The following STXBP6 variants were observed in gnomAD, a reference collection of about 807,000 sequenced individuals.
STXBP6 encodes the protein syntaxin-binding protein 6.
A neutral mutation model predicts 26.9 loss-of-function variants in STXBP6; 21 were observed. That is an observed-to-expected ratio of 0.78 (90% CI 0.55 to 1.12). The LOEUF (loss-of-function observed/expected upper bound fraction) is 1.12, where lower values mean the gene tolerates loss of function less well. Ranked by LOEUF, STXBP6 falls within the 50% of genes most tolerant of loss-of-function variation. The pLI, the probability that STXBP6 is intolerant of heterozygous loss-of-function variation, is 0.00. For synonymous variants in STXBP6, 97 were observed against 92.6 expected, an observed-to-expected ratio of 1.05 and a Z score of -0.27; for missense variants, 232 against 257.9, an observed-to-expected ratio of 0.90 and a Z score of 0.69.
At chr14:24,955,424 C>A (rs779069196) in intron 2 of STXBP6, among the ~76,000 whole-genome samples, 1 of 152,152 alleles carries the variant, frequency 6.6e-6, no homozygotes, top group Non-Finnish European at 1.5e-5. Context: ...GGTGGAAGGG[C>A]GAGGATTAAA....
chr14:24,819,834 T>C (rs1594902623), intron 4 of STXBP6, among the ~76,000 whole-genome samples: 1 of 152,132 alleles, frequency 6.6e-6, no homozygotes, highest in African/African-American at 2.4e-5. Context: ...GCTCGGATGG[T>C]TGGGACTCCT....
Position 24,825,209 on chromosome 14 carries a change from C to T in STXBP6, c.452-6015G>A, listed in dbSNP as rs1594912377. On this transcript the variant is annotated intron_variant, in intron 4 of 5. Transcript: ENST00000323944. ...CCGAGTATCTTAGTAGGGTGAAATT[C>T]CGCAGAATTTGTGCTCAGAAATGCT... is the stretch of plus-strand genomic sequence containing the variant. 2.6e-5 allele frequency among the ~76,000 whole-genome samples: 4 copies of T among 152,256 alleles called. No homozygotes were observed. In the South Asian group the frequency reaches 8.3e-4, roughly 32 times the overall value.
chr14:24,886,931 T>C (rs1249878375), intron 2 of STXBP6, among the ~76,000 whole-genome samples: 2 of 152,228 alleles, frequency 1.3e-5, no homozygotes, highest in Non-Finnish European at 2.9e-5. Context: ...CTATGCCTTC[T>C]ACTTTCTGAA....
intron 2 of STXBP6, among the ~76,000 whole-genome samples, chr14:24,925,375 A>G (rs1455481108): frequency 6.6e-6 from 1 of 152,248 alleles, no homozygotes; most frequent in African/African-American, 2.4e-5. Flanking sequence ...AGTGAAGGTA[A>G]GCAGGATCAA....
intron 2 of STXBP6, among the ~76,000 whole-genome samples, chr14:24,859,809 C>T (rs919470628): frequency 6.6e-6 from 1 of 152,226 alleles, no homozygotes; most frequent in African/African-American, 2.4e-5. Flanking sequence ...AACACAGAGG[C>T]ATTTAAAGGA....
chr14:24,951,238 C>T (rs574832090), intron 2 of STXBP6, among the ~76,000 whole-genome samples: 2 of 152,174 alleles, frequency 1.3e-5, no homozygotes, highest in South Asian at 2.1e-4. Context: ...TATTTATAAC[C>T]GTTTGGGTAT....
At chr14:24,897,649 C>T (rs1276907723) in intron 2 of STXBP6, among the ~76,000 whole-genome samples, 1 of 151,992 alleles carries the variant, frequency 6.6e-6, no homozygotes, top group Non-Finnish European at 1.5e-5. Flanking sequence ...ATTTTGAATT[C>T]CACAGTACAC....
chr14:24,940,988 C>G (rs560584570), intron 2 of STXBP6, among the ~76,000 whole-genome samples: 7 of 152,226 alleles, frequency 4.6e-5, no homozygotes, highest in Admixed American at 1.3e-4. Context: ...GCACTCCAGC[C>G]TGGGCGACAG....
At chr14:24,865,786 G>A (rs1457169669) in intron 2 of STXBP6, among the ~76,000 whole-genome samples, 1 of 152,080 alleles carries the variant, frequency 6.6e-6, no homozygotes, top group Non-Finnish European at 1.5e-5. Flanking sequence ...AGATTATATG[G>A]TATTGAGTTT....
At chr14:24,985,808 T>C (rs1256430926) in intron 1 of STXBP6, among the ~76,000 whole-genome samples, 1 of 152,204 alleles carries the variant, frequency 6.6e-6, no homozygotes, top group Non-Finnish European at 1.5e-5. Flanking sequence ...AGCAGAAATG[T>C]GGCATTCTTA....
intron 3 of STXBP6, 46 bp downstream of exon 3, chr14:24,856,981 T>C (rs369404081): frequency 6.3e-7 from 1 of 1,597,280 alleles, no homozygotes; most frequent in Non-Finnish European, 8.6e-7. Flanking sequence ...CAGAGAGTCA[T>C]CTTGTGAAAA....
intron 1 of STXBP6, among the ~76,000 whole-genome samples, chr14:25,036,834 C>T (rs144133486): frequency 0.034 from 4,479 of 132,898 alleles, 230 homozygotes; most frequent in African/African-American, 0.12. Flanking sequence ...CCAGCCTGGG[C>T]GACAGAGCAA....
At chr14:24,993,536 C>T (rs2074526220) in intron 1 of STXBP6, among the ~76,000 whole-genome samples, 1 of 152,190 alleles carries the variant, frequency 6.6e-6, no homozygotes, top group Non-Finnish European at 1.5e-5. Context: ...TTGCCTCCTT[C>T]CAACCCACTT....
At chr14:24,915,919 GA>G (rs2071748991) in intron 2 of STXBP6, among the ~76,000 whole-genome samples, 1 of 152,108 alleles carries the variant, frequency 6.6e-6, no homozygotes, top group African/African-American at 2.4e-5. Context: ...TAACATTTCT[GA>G]ACCGGCTTTT....
chr14:25,000,641 C>T (rs766604658), intron 1 of STXBP6, among the ~76,000 whole-genome samples: 1 of 150,290 alleles, frequency 6.7e-6, no homozygotes, highest in Non-Finnish European at 1.5e-5. Flanking sequence ...TTCCCCTCTG[C>T]ATTTCTGTGT....
chr14:24,888,582 G>C (rs1005047199), intron 2 of STXBP6, among the ~76,000 whole-genome samples: 2 of 152,096 alleles, frequency 1.3e-5, no homozygotes, highest in South Asian at 4.1e-4. Flanking sequence ...AATTAGCTGG[G>C]CGTGGCAGCA....
intron 1 of STXBP6, among the ~76,000 whole-genome samples, chr14:24,975,138 C>T (rs1374747264): frequency 6.6e-6 from 1 of 152,062 alleles, no homozygotes; most frequent in African/African-American, 2.4e-5. Flanking sequence ...TAATTACTAC[C>T]CCAACTGCAC....
At chr14:24,892,574 A>G (rs1026236492) in intron 2 of STXBP6, among the ~76,000 whole-genome samples, 3 of 152,134 alleles carry the variant, frequency 2.0e-5, no homozygotes, top group Admixed American at 1.3e-4. Flanking sequence ...CAGAAAAGTC[A>G]TGCAGAGGGC....
chr14:24,898,559 C>T (rs1258980444), intron 2 of STXBP6, among the ~76,000 whole-genome samples: 1 of 152,106 alleles, frequency 6.6e-6, no homozygotes, highest in African/African-American at 2.4e-5. Flanking sequence ...CGCCTATAGT[C>T]CCAGCTACTC....
Sources: gnomAD v4.1 joint callset for allele counts (sites outside exome capture counted in the v4.1 genomes callset) on GRCh38, gnomAD v4.1.1 for gene constraint, MANE v1.5 for transcripts, NCBI Gene and HGNC (gene_info 2026-07-23, HGNC 2026-07-21) for gene names.